The following UNC13C variants were observed in gnomAD, a reference collection of about 807,000 sequenced individuals.
UNC13C encodes the protein protein unc-13 homolog C.
Under a neutral mutation model 245.4 loss-of-function variants are expected in UNC13C, and 174 were observed. The ratio of observed to expected loss-of-function variants is 0.71; its 90% confidence interval spans 0.63 to 0.80. UNC13C has a LOEUF of 0.80. Ranked by LOEUF, UNC13C falls within the 30% of genes least tolerant of loss-of-function variation. The pLI is 0.00. For synonymous variants in UNC13C, 992 were observed against 895.1 expected (o/e 1.11, Z -1.93); for missense variants, 2,829 against 2,602.9 (o/e 1.09, Z -1.89).
chr15:54,023,127 C>G (rs1313944847), intron 2 of UNC13C, among the ~76,000 whole-genome samples: 1 of 152,178 alleles, frequency 6.6e-6, no homozygotes, highest in South Asian at 2.1e-4. Context: ...TAATTTCATA[C>G]TTGTCACCAT....
chr15:54,464,864 G>C (rs901750075), intron 19 of UNC13C, among the ~76,000 whole-genome samples: 1 of 151,400 alleles, frequency 6.6e-6, no homozygotes, highest in Non-Finnish European at 1.5e-5. Flanking sequence ...AGTATTCAAA[G>C]GTATTCATGG....
Position 54,047,738 on chromosome 15 carries a change from C to T in UNC13C, c.2983+31852C>T, listed in dbSNP as rs138486739. On this transcript the variant is annotated intron_variant, in intron 2 of 32. Transcript: ENST00000260323. ...TAAGTATCTGCTTTTTAAACATTTG[C>T]GCAAATCCATCCTCAAGTATTTTTG... Among the ~76,000 whole-genome samples, 34 of 152,190 alleles carry T rather than the reference C, an allele frequency of 2.2e-4. No individual in the cohort carries two copies. In the East Asian group the frequency reaches 3.7e-3, roughly 16 times the overall value.
chr15:54,393,145 A>G lies in UNC13C; in HGVS notation c.4811A>G (p.Asp1604Gly). ...ATTACACTGATGGTTACTATTATTG[A>G]TGAGGATAAAACTGCCTACACACCT... is the stretch of plus-strand genomic sequence containing the variant. ...QLITLMVTIIDEDKTAYTPVL... is the reference protein window; with the variant it reads ...QLITLMVTIIGEDKTAYTPVL... The change falls in exon 18 of 33, where the codon GAT becomes GGT. Residue 1604 changes from aspartate to glycine, a missense_variant. Physicochemically the swap from Asp to Gly is moderately conservative, Grantham distance 94. Transcript: ENST00000260323. 2 of 1,609,174 alleles carry G rather than the reference A, an allele frequency of 1.2e-6. No individual in the cohort carries two copies. Among genetic ancestry groups the G allele is most frequent in the South Asian group, 2.2e-5 (2 of 90,402 alleles).
intron 30 of UNC13C, among the ~76,000 whole-genome samples, chr15:54,577,644 T>C (rs1008259917): frequency 6.6e-6 from 1 of 152,158 alleles, no homozygotes; most frequent in African/African-American, 2.4e-5. Context: ...ATGTCTTTCC[T>C]AGAAAACTCT....
the UNC13C span, among the ~76,000 whole-genome samples, chr15:53,873,045 G>C: frequency 6.6e-6 from 1 of 152,096 alleles, no homozygotes; most frequent in Non-Finnish European, 1.5e-5. Context: ...TTCAGGATGG[G>C]AAGATATTCC....
intron 7 of UNC13C, among the ~76,000 whole-genome samples, chr15:54,247,740 A>G (rs1417307882): frequency 6.6e-6 from 1 of 151,494 alleles, no homozygotes; most frequent in Admixed American, 6.6e-5. Flanking sequence ...TTGCTTTTCA[A>G]TGGGCTGTCT....
chr15:54,308,386 A>G (rs1474191090), intron 13 of UNC13C, among the ~76,000 whole-genome samples: 4 of 151,896 alleles, frequency 2.6e-5, no homozygotes, highest in Non-Finnish European at 5.9e-5. Flanking sequence ...TTAAAAATTG[A>G]TTGATAAAAT....
chr15:53,991,516 G>A (rs1201623588), intron 1 of UNC13C, among the ~76,000 whole-genome samples: 2 of 151,914 alleles, frequency 1.3e-5, no homozygotes, highest in African/African-American at 4.8e-5. Flanking sequence ...TGGCAGATTG[G>A]GTATTTGGCA....
upstream of UNC13C, among the ~76,000 whole-genome samples, chr15:53,977,513 C>T (rs541597755): frequency 1.3e-5 from 2 of 152,216 alleles, no homozygotes; most frequent in South Asian, 2.1e-4. Context: ...TGCTAGTTGA[C>T]GTTCTTCAGT....
chr15:53,972,534 G>A, the UNC13C span: 1 of 152,180 alleles, frequency 6.6e-6, no homozygotes, highest in Non-Finnish European at 1.5e-5. Context: ...CTTTCAGTAT[G>A]ATTCTTGGTT....
At chr15:54,163,315 A>C (rs1434257195) in intron 4 of UNC13C, among the ~76,000 whole-genome samples, 1 of 152,106 alleles carries the variant, frequency 6.6e-6, no homozygotes, top group Non-Finnish European at 1.5e-5. Flanking sequence ...AAAGACAAGG[A>C]AAAAAAATCT....
At chr15:54,252,311 T>A (rs2036172610) in intron 8 of UNC13C, among the ~76,000 whole-genome samples, 1 of 152,190 alleles carries the variant, frequency 6.6e-6, no homozygotes, top group Non-Finnish European at 1.5e-5. Flanking sequence ...TCATAATCTA[T>A]TTCCATTTCT....
intron 30 of UNC13C, among the ~76,000 whole-genome samples, chr15:54,588,420 G>A (rs1898598801): frequency 6.6e-6 from 1 of 152,166 alleles, no homozygotes; most frequent in African/African-American, 2.4e-5. Flanking sequence ...TCCCCTAAAT[G>A]TGGTTGGTGA....
At chr15:54,553,741 A>G (rs1033940007) in intron 28 of UNC13C, among the ~76,000 whole-genome samples, 3 of 151,460 alleles carry the variant, frequency 2.0e-5, no homozygotes, top group Non-Finnish European at 1.5e-5. Flanking sequence ...ATTCTAAAAA[A>G]TTATTTCTAG....
intron 30 of UNC13C, among the ~76,000 whole-genome samples, chr15:54,580,847 G>A (rs1898167054): frequency 6.6e-6 from 1 of 152,130 alleles, no homozygotes; most frequent in Non-Finnish European, 1.5e-5. Context: ...ATTCCTAAGA[G>A]GCTCTTGGAG....
At chr15:54,604,216 C>T (rs895785341) in intron 30 of UNC13C, among the ~76,000 whole-genome samples, 4 of 152,136 alleles carry the variant, frequency 2.6e-5, no homozygotes, top group African/African-American at 9.7e-5. Flanking sequence ...GGTCTGATGA[C>T]ACTGTCACAT....
chr15:53,945,931 G>A, the UNC13C span, among the ~76,000 whole-genome samples: 5 of 152,120 alleles, frequency 3.3e-5, no homozygotes, highest in South Asian at 6.2e-4. Context: ...TTTGAGCAGC[G>A]TTTTGTATCT....
rs1200145672 is a variant in UNC13C at position 54,167,516 on chromosome 15, A to G, written c.3071+23832A>G. 1.3e-3 allele frequency among the ~76,000 whole-genome samples: 187 copies of G among 146,210 alleles called. 1 individual carries two copies. Among genetic ancestry groups the G allele is most frequent in the African/African-American group, 4.4e-3 (175 of 39,698 alleles). Reference sequence around the variant, plus strand: ...CACTCGTCTCAAAAAAAAAAAAAAAAAAAGAAAAGAAAAATAAGAGAAGAT... The same window carrying G: ...CACTCGTCTCAAAAAAAAAAAAAAAGAAAGAAAAGAAAAATAAGAGAAGAT... On this transcript the variant is annotated intron_variant, in intron 4 of 32. Coordinates refer to ENST00000260323, the MANE Select transcript of UNC13C (RefSeq NM_001080534.3).
intron 30 of UNC13C, among the ~76,000 whole-genome samples, chr15:54,606,319 T>G (rs1265744206): frequency 6.6e-6 from 1 of 152,204 alleles, no homozygotes; most frequent in East Asian, 1.9e-4. Flanking sequence ...TTGCAAGATT[T>G]CACAAAACAA....
Sources: allele counts gnomAD v4.1 joint callset (sites outside exome capture counted in the v4.1 genomes callset), GRCh38; gene constraint gnomAD v4.1.1; transcripts MANE v1.5; gene names NCBI Gene and HGNC (gene_info 2026-07-23, HGNC 2026-07-21).